Variants in PLCXD3 observed in about 807,000 individuals in gnomAD.
PLCXD3 encodes the protein PI-PLC X domain-containing protein 3.
PLCXD3 carries 19 observed loss-of-function variants against 25.5 expected under a neutral mutation model. That is an observed-to-expected ratio of 0.75 (90% CI 0.52 to 1.09). The LOEUF is 1.09. Among genes scored for constraint, PLCXD3 ranks in the 50% least tolerant of loss-of-function variants. The pLI, the probability that PLCXD3 is intolerant of heterozygous loss-of-function variation, is 0.00. For missense variants in PLCXD3, 411 were observed against 388.1 expected (o/e 1.06, Z -0.50); for synonymous variants, 174 against 137.6 (o/e 1.26, Z -1.85).
chr5:41,378,376 A>G (rs1745358998), intron 2 of PLCXD3, among the ~76,000 whole-genome samples: 1 of 152,142 alleles, frequency 6.6e-6, no homozygotes, highest in Non-Finnish European at 1.5e-5. Context: ...GTGCCAGCAC[A>G]TCTATAATGA....
chr5:41,336,696 A>G (rs1743990805), intron 2 of PLCXD3, among the ~76,000 whole-genome samples: 1 of 152,024 alleles, frequency 6.6e-6, no homozygotes, highest in African/African-American at 2.4e-5. Flanking sequence ...AATGCCACAC[A>G]TGCTCTTTGG....
intron 1 of PLCXD3, among the ~76,000 whole-genome samples, chr5:41,453,657 C>A (rs911339468): frequency 6.6e-6 from 1 of 151,948 alleles, no homozygotes; most frequent in Non-Finnish European, 1.5e-5. Flanking sequence ...ATAGAGAGGC[C>A]AGCACGGCAT....
intron 1 of PLCXD3, among the ~76,000 whole-genome samples, chr5:41,501,809 A>T (rs1417371827): frequency 3.3e-5 from 5 of 152,130 alleles, no homozygotes; most frequent in Non-Finnish European, 5.9e-5. Context: ...GTCAAATAAG[A>T]TGATAGAGAA....
chr5:41,377,821 G>T (rs550052857), intron 2 of PLCXD3, among the ~76,000 whole-genome samples: 123 of 152,154 alleles, frequency 8.1e-4, no homozygotes, highest in African/African-American at 2.9e-3. Flanking sequence ...AAATTGTAGA[G>T]AAACTAGCTA....
chr5:41,336,862 T>C (rs1347894290), intron 2 of PLCXD3, among the ~76,000 whole-genome samples: 1 of 152,108 alleles, frequency 6.6e-6, no homozygotes, highest in Non-Finnish European at 1.5e-5. Flanking sequence ...TACTCTCCCA[T>C]AGGTGTTGAT....
At chr5:41,379,603 T>A (rs1745394828) in intron 2 of PLCXD3, among the ~76,000 whole-genome samples, 2 of 151,902 alleles carry the variant, frequency 1.3e-5, no homozygotes, top group African/African-American at 4.8e-5. Flanking sequence ...AGGTGTACAG[T>A]GTTATAGATG....
chr5:41,403,927 A>G (rs1045150104), intron 1 of PLCXD3, among the ~76,000 whole-genome samples: 4 of 152,176 alleles, frequency 2.6e-5, no homozygotes, highest in African/African-American at 7.2e-5. Context: ...TAGCTATTCT[A>G]TAAGCCTAAA....
chr5:41,349,325 T>A (rs1350821927), intron 2 of PLCXD3, among the ~76,000 whole-genome samples: 2 of 152,208 alleles, frequency 1.3e-5, no homozygotes, highest in Non-Finnish European at 2.9e-5. Context: ...AAATTTTATG[T>A]CAGGATAAAA....
At chr5:41,463,661 T>C (rs1159442371) in intron 1 of PLCXD3, among the ~76,000 whole-genome samples, 2 of 151,980 alleles carry the variant, frequency 1.3e-5, no homozygotes, top group Non-Finnish European at 2.9e-5. Context: ...CCTTGCAGAG[T>C]TGGGTCAGAG....
At chr5:41,319,208 C>T (rs561983841) in intron 2 of PLCXD3, among the ~76,000 whole-genome samples, 39 of 152,192 alleles carry the variant, frequency 2.6e-4, no homozygotes, top group African/African-American at 9.1e-4. Flanking sequence ...AACAGATCTT[C>T]CAGACAGAAA....
intron 2 of PLCXD3, among the ~76,000 whole-genome samples, chr5:41,339,490 A>G (rs1420303141): frequency 6.6e-6 from 1 of 152,056 alleles, no homozygotes; most frequent in African/African-American, 2.4e-5. Flanking sequence ...ACGTATGTGA[A>G]TAGTTGGTCA....
chr5:41,408,441 C>T (rs1746415645), intron 1 of PLCXD3, among the ~76,000 whole-genome samples: 1 of 152,148 alleles, frequency 6.6e-6, no homozygotes, highest in African/African-American at 2.4e-5. Context: ...ACACATACTT[C>T]TGCTTATCTG....
chr5:41,386,322 C>A (rs528658857), intron 1 of PLCXD3, among the ~76,000 whole-genome samples: 1 of 152,176 alleles, frequency 6.6e-6, no homozygotes, highest in South Asian at 2.1e-4. Flanking sequence ...TCTGAGATAT[C>A]ATCTGGCCTA....
intron 1 of PLCXD3, among the ~76,000 whole-genome samples, chr5:41,494,864 A>C (rs184039133): frequency 1.3e-5 from 2 of 152,324 alleles, no homozygotes; most frequent in East Asian, 3.9e-4. Context: ...CTTAGATGGC[A>C]ATAAAAGAGG....
rs1206763311 is a variant in PLCXD3, at chr5:41,311,254, A to C, written c.*2363T>G. Reference sequence around the variant, plus strand: ...AATCCTAATCATTTTAAAAGGATTCATATACATTTTCACATAAAGAGCAGG... The same window carrying C: ...AATCCTAATCATTTTAAAAGGATTCCTATACATTTTCACATAAAGAGCAGG... On this transcript the variant is annotated 3_prime_UTR_variant, in exon 3 of 3. Coordinates refer to ENST00000377801, the MANE Select transcript of PLCXD3 (RefSeq NM_001005473.3). The C allele has an allele frequency of 6.6e-6, 1 of 152,166 alleles. No homozygotes were observed. Among genetic ancestry groups the C allele is most frequent in the African/African-American group, 2.4e-5 (1 of 41,448 alleles). 9.4% of individuals were successfully genotyped at this position (152,166 alleles called of 1,614,324 possible). A position where few individuals can be genotyped will look rare whatever the true frequency, so the allele number is the denominator to read the frequency against.
chr5:41,317,853 C>G (rs1464341346), intron 2 of PLCXD3, among the ~76,000 whole-genome samples: 1 of 151,904 alleles, frequency 6.6e-6, no homozygotes, highest in African/African-American at 2.4e-5. Flanking sequence ...AACAATGAAG[C>G]ATGCCTACAG....
intron 1 of PLCXD3, among the ~76,000 whole-genome samples, chr5:41,399,740 A>C (rs1746121369): frequency 6.6e-6 from 1 of 152,152 alleles, no homozygotes; most frequent in Non-Finnish European, 1.5e-5. Context: ...CTATGAGACT[A>C]CTACAAGAAA....
At chr5:41,393,562 A>G (rs1357616085) in intron 1 of PLCXD3, among the ~76,000 whole-genome samples, 1 of 152,178 alleles carries the variant, frequency 6.6e-6, no homozygotes, top group East Asian at 1.9e-4. Flanking sequence ...AAGAAATATT[A>G]AAAAGTCCTT....
At chr5:41,404,189 T>A (rs1264305076) in intron 1 of PLCXD3, among the ~76,000 whole-genome samples, 1 of 152,116 alleles carries the variant, frequency 6.6e-6, no homozygotes, top group African/African-American at 2.4e-5. Flanking sequence ...TAACTCACTG[T>A]TTAATACTCG....
Sources: gnomAD v4.1 joint callset for allele counts (sites outside exome capture counted in the v4.1 genomes callset) on GRCh38, gnomAD v4.1.1 for gene constraint, MANE v1.5 for transcripts, NCBI Gene and HGNC (gene_info 2026-07-23, HGNC 2026-07-21) for gene names.